The following ZMYND8 variants were observed in gnomAD, a reference collection of about 807,000 sequenced individuals.
ZMYND8 encodes the protein MYND-type zinc finger-containing chromatin reader ZMYND8.
ZMYND8 carries 37 observed loss-of-function variants against 140.8 expected under a neutral mutation model. The ratio of observed to expected loss-of-function variants is 0.26; its 90% confidence interval spans 0.20 to 0.35. The LOEUF (loss-of-function observed/expected upper bound fraction) is 0.35, where lower values mean the gene tolerates loss of function less well. Among genes scored for constraint, ZMYND8 ranks in the 10% least tolerant of loss-of-function variants. ZMYND8 has a pLI of 1.00. For synonymous variants in ZMYND8, 592 were observed against 597.1 expected, an observed-to-expected ratio of 0.99 and a Z score of 0.12; for missense variants, 1,068 against 1,570.0, an observed-to-expected ratio of 0.68 and a Z score of 5.40.
Position 47,213,085 on chromosome 20 carries a change from G to T in ZMYND8, c.3485-360C>A, listed in dbSNP as rs936317081. 1.3e-5 allele frequency among the ~76,000 whole-genome samples: 2 copies of T among 152,160 alleles called. 1 individual carries two copies. Among genetic ancestry groups the T allele is most frequent in the African/African-American group, 4.8e-5 (2 of 41,440 alleles). On this transcript the variant is annotated intron_variant, in intron 21 of 22. Transcript: ENST00000471951. ...GAGGCAGGCACTAGAAACGTGCTAAGGTTGAAGGCAGCACCCGAGAAAGCC... is the reference window on the plus strand; with the variant it reads ...GAGGCAGGCACTAGAAACGTGCTAATGTTGAAGGCAGCACCCGAGAAAGCC...
At chr20:47,256,450 TCTA>T (rs2074731148) in intron 12 of ZMYND8, among the ~76,000 whole-genome samples, 1 of 151,482 alleles carries the variant, frequency 6.6e-6, no homozygotes. Context: ...AAACCCTGTC[TCTA>T]CTAAAAAATA....
intron 3 of ZMYND8, among the ~76,000 whole-genome samples, chr20:47,300,731 T>C (rs1205399241): frequency 6.6e-6 from 1 of 152,164 alleles, no homozygotes; most frequent in Non-Finnish European, 1.5e-5. Context: ...TGTTTAGTAT[T>C]TGAGACAGGG....
At chr20:47,216,773 C>T (rs1225389350) in intron 21 of ZMYND8, among the ~76,000 whole-genome samples, 1 of 152,172 alleles carries the variant, frequency 6.6e-6, no homozygotes, top group Non-Finnish European at 1.5e-5. Context: ...TGCCACTGCA[C>T]TCCAGCCTGG....
intron 3 of ZMYND8, 62 bp from the exon 4 acceptor site, chr20:47,299,009 T>C: frequency 6.7e-7 from 1 of 1,495,202 alleles, no homozygotes; most frequent in East Asian, 2.3e-5. Context: ...CAAAAGGAAT[T>C]TGAACAAGTA....
chr20:47,222,460 C>T lies in ZMYND8; in HGVS notation c.3257-986G>A, dbSNP rs539198644. On this transcript the variant is annotated intron_variant, in intron 19 of 22. Coordinates refer to ENST00000471951, the MANE Select transcript of ZMYND8 (RefSeq NM_001281775.3). ...CTGAGGAAGGAGAATGGCATGAGCC[C>T]GGGAGGCGGAGCTTGCAGTGAGCTG... Among the ~76,000 whole-genome samples the T allele has an allele frequency of 1.5e-3, 234 of 152,032 alleles. 1 individual carries two copies. Among genetic ancestry groups the T allele is most frequent in the African/African-American group, 5.4e-3 (225 of 41,514 alleles).
intron 2 of ZMYND8, among the ~76,000 whole-genome samples, chr20:47,313,638 T>C (rs976983275): frequency 2.8e-5 from 4 of 140,906 alleles, no homozygotes; most frequent in African/African-American, 8.0e-5. Context: ...AAAATAATAA[T>C]AATAATAATT....
At chr20:47,212,963 T>C (rs930211085) in intron 21 of ZMYND8, among the ~76,000 whole-genome samples, 1 of 151,946 alleles carries the variant, frequency 6.6e-6, no homozygotes, top group African/African-American at 2.4e-5. Context: ...AGGTAGGAAA[T>C]AAGGTATACA....
chr20:47,303,945 G>A (rs2078279527), intron 3 of ZMYND8, among the ~76,000 whole-genome samples: 1 of 152,206 alleles, frequency 6.6e-6, no homozygotes. Context: ...AGCAGTTGCT[G>A]AGAGCTAGAT....
At chr20:47,288,793 T>C (rs1480326026) in intron 7 of ZMYND8, among the ~76,000 whole-genome samples, 2 of 152,174 alleles carry the variant, frequency 1.3e-5, no homozygotes. Context: ...CAGATATGCA[T>C]ATATCTTTCC....
intron 3 of ZMYND8, among the ~76,000 whole-genome samples, chr20:47,302,792 A>G (rs1222946765): frequency 6.6e-6 from 1 of 152,180 alleles, no homozygotes; most frequent in Non-Finnish European, 1.5e-5. Context: ...TGCAATGCAA[A>G]CTAAGTTCAG....
intron 10 of ZMYND8, among the ~76,000 whole-genome samples, chr20:47,280,803 A>C (rs2076561393): frequency 6.6e-6 from 1 of 151,778 alleles, no homozygotes; most frequent in African/African-American, 2.4e-5. Context: ...TACCCCTCTG[A>C]CTCCAGCTGT....
At chr20:47,291,515 T>C (rs1160193986) in intron 6 of ZMYND8, among the ~76,000 whole-genome samples, 1 of 152,182 alleles carries the variant, frequency 6.6e-6, no homozygotes, top group Admixed American at 6.5e-5. Flanking sequence ...ATCAAATCAC[T>C]AACTCTTAGA....
At chr20:47,330,072 G>C (rs1055993162) in intron 2 of ZMYND8, among the ~76,000 whole-genome samples, 44 of 152,154 alleles carry the variant, frequency 2.9e-4, no homozygotes, top group African/African-American at 9.4e-4. Flanking sequence ...GTAAATAAAG[G>C]GTTCAGGCCA....
chr20:47,236,248 G>A lies in ZMYND8; in HGVS notation c.2856+78C>T, dbSNP rs2039218222. 4.3e-5 allele frequency: 68 copies of A among 1,569,286 alleles called. No individual in the cohort carries two copies. The South Asian group carries it at 5.5e-4, about 13-fold the overall frequency. ...AAGACTGCAAGGTTAAGACGCTCAC[G>A]CTTCCCCTCGGGAGACCAAGATTCT... On this transcript the variant is annotated intron_variant, in intron 16 of 22. Transcript: ENST00000471951.
In ZMYND8 at chr20:47,236,481, T is replaced by G. The variant is rs1175210345; in HGVS notation, c.2701A>C (p.Thr901Pro). 2 of 1,605,132 alleles carry G rather than the reference T, an allele frequency of 1.2e-6. No homozygotes were observed. The highest frequency in any genetic ancestry group is 1.7e-6 in the Non-Finnish European group (2 of 1,175,234). Residue 901 changes from threonine (T) to proline (P), a missense_variant, in exon 16 of 23, where the codon ACG becomes CCG. By Grantham distance (38) the Thr-to-Pro change is conservative. Coordinates refer to ENST00000471951, the MANE Select transcript of ZMYND8 (RefSeq NM_001281775.3). Reference sequence around the variant, plus strand: ...CTGGTCACCAGGGTGATGGTGGACGTGGATGGGCTCTGTGTGATCTCCTTC... The same window carrying G: ...CTGGTCACCAGGGTGATGGTGGACGGGGATGGGCTCTGTGTGATCTCCTTC... The part of the protein sequence containing the change: ...QQKEITQSPS[T>P]STITLVTSTQ...
intron 16 of ZMYND8, among the ~76,000 whole-genome samples, chr20:47,231,429 C>T (rs1027174748): frequency 4.6e-5 from 7 of 152,284 alleles, no homozygotes; most frequent in African/African-American, 1.4e-4. Context: ...TGCATGCCGC[C>T]CCGGTAGGGT....
intron 16 of ZMYND8, among the ~76,000 whole-genome samples, chr20:47,233,629 ACT>A (rs2038840505): frequency 6.6e-6 from 1 of 151,958 alleles, no homozygotes; most frequent in Non-Finnish European, 1.5e-5. Context: ...TTAAGTGCAC[ACT>A]CTCTAGGGCC....
intron 3 of ZMYND8, among the ~76,000 whole-genome samples, chr20:47,309,237 C>T (rs2078729207): frequency 1.3e-5 from 2 of 152,064 alleles, no homozygotes; most frequent in Admixed American, 1.3e-4. Context: ...TGTGCTTCCA[C>T]GAAAAGGAAC....
chr20:47,267,502 G>T (rs1469543567), intron 11 of ZMYND8, among the ~76,000 whole-genome samples: 4 of 142,386 alleles, frequency 2.8e-5, no homozygotes, highest in Non-Finnish European at 1.5e-5. Context: ...GGGGCGGGGG[G>T]GGGGCAATTA....
Sources: allele counts gnomAD v4.1 joint callset (sites outside exome capture counted in the v4.1 genomes callset), GRCh38; gene constraint gnomAD v4.1.1; transcripts MANE v1.5; gene names NCBI Gene and HGNC (gene_info 2026-07-23, HGNC 2026-07-21).